CTNNA2: variants seen among roughly 807,000 people sequenced by gnomAD.
CTNNA2 encodes the protein catenin alpha 2.
CTNNA2 carries 42 observed loss-of-function variants against 101.0 expected under a neutral mutation model. That is an observed-to-expected ratio of 0.42 (90% CI 0.32 to 0.54). CTNNA2 has a LOEUF of 0.54. Among genes scored for constraint, CTNNA2 ranks in the 20% least tolerant of loss-of-function variants. The pLI, the probability that CTNNA2 is intolerant of heterozygous loss-of-function variation, is 0.14. For synonymous variants in CTNNA2, 450 were observed against 456.4 expected (o/e 0.99, Z 0.18); for missense variants, 871 against 1,223.1 (o/e 0.71, Z 4.29).
intron 4 of CTNNA2, among the ~76,000 whole-genome samples, chr2:79,392,383 A>G (rs1172753972): frequency 6.6e-6 from 1 of 152,202 alleles, no homozygotes; most frequent in Non-Finnish European, 1.5e-5. Context: ...TCTCAAAAAT[A>G]CACTAAAGTA....
At chr2:80,502,044 T>G (rs1687919620) in intron 9 of CTNNA2, among the ~76,000 whole-genome samples, 1 of 152,156 alleles carries the variant, frequency 6.6e-6, no homozygotes, top group South Asian at 2.1e-4. Flanking sequence ...AACATGGCTG[T>G]GGAGTCAGAG....
chr2:79,258,004 T>G (rs1222797810), intron 2 of CTNNA2, among the ~76,000 whole-genome samples: 1 of 152,170 alleles, frequency 6.6e-6, no homozygotes, highest in Non-Finnish European at 1.5e-5. Flanking sequence ...TGCCTCTGTC[T>G]TCACATGGCC....
chr2:79,672,809 A>G (rs1273409749), intron 2 of CTNNA2, among the ~76,000 whole-genome samples: 1 of 150,662 alleles, frequency 6.6e-6, no homozygotes, highest in Non-Finnish European at 1.5e-5. Context: ...TCCCAGGTTC[A>G]AGTGATTTGC....
chr2:80,009,119 G>T (rs1327153899), intron 7 of CTNNA2, among the ~76,000 whole-genome samples: 1 of 152,120 alleles, frequency 6.6e-6, no homozygotes, highest in Non-Finnish European at 1.5e-5. Context: ...AGAATGAAAG[G>T]CAGGGAACAT....
At position 80,574,252 on chromosome 2, in the gene CTNNA2, G is replaced by A. The variant is rs867688583; in HGVS notation, c.1831G>A (p.Asp611Asn). ...PQPFEENEFI[D>N]ASRLVYDGVR... ...ACCGTTTGAGGAGAATGAGTTCATC[G>A]ATGCCTCTCGCCTGGTGTATGATGG... is the stretch of plus-strand genomic sequence containing the variant. The change falls in exon 13 of 19, where the codon GAT becomes AAT. Residue 611 changes from aspartate to asparagine, a missense_variant. Transcript: ENST00000402739. 4.3e-6 allele frequency: 7 copies of A among 1,613,792 alleles called. No individual in the cohort carries two copies. The highest frequency in any genetic ancestry group is 5.9e-6 in the Non-Finnish European group (7 of 1,179,788).
intron 7 of CTNNA2, among the ~76,000 whole-genome samples, chr2:79,983,385 A>G (rs1261844458): frequency 1.3e-5 from 2 of 152,086 alleles, no homozygotes; most frequent in Non-Finnish European, 2.9e-5. Context: ...ATAAATAATA[A>G]ACATTTTTAT....
At chr2:79,829,421 A>AC (rs1558559860) in intron 3 of CTNNA2, among the ~76,000 whole-genome samples, 248 of 142,466 alleles carry the variant, frequency 1.7e-3, no homozygotes, top group East Asian at 7.0e-3. Context: ...ACACAGACAC[A>AC]AAGCCGGGCG....
chr2:80,496,976 T>C (rs1687524741), intron 9 of CTNNA2, among the ~76,000 whole-genome samples: 1 of 152,172 alleles, frequency 6.6e-6, no homozygotes. Context: ...AATATGTGAC[T>C]CAGGAGAAGC....
At chr2:80,591,216 G>A (rs1472881234) in intron 15 of CTNNA2, among the ~76,000 whole-genome samples, 3 of 152,074 alleles carry the variant, frequency 2.0e-5, no homozygotes, top group African/African-American at 7.2e-5. Context: ...TTTTAAAAGT[G>A]AGAAGAAGGT....
At chr2:80,077,257 A>G (rs1238095900) in intron 7 of CTNNA2, among the ~76,000 whole-genome samples, 1 of 152,212 alleles carries the variant, frequency 6.6e-6, no homozygotes, top group Non-Finnish European at 1.5e-5. Context: ...AACACTTTTA[A>G]GAAAGTAAAT....
At chr2:79,253,618 G>A (rs141846144) in intron 2 of CTNNA2, among the ~76,000 whole-genome samples, 1,917 of 150,648 alleles carry the variant, frequency 0.013, 16 homozygotes, top group Middle Eastern at 0.021. Context: ...GTTGCCCAAG[G>A]GGCTTATTCT....
chr2:79,231,626 A>G (rs1583369), intron 2 of CTNNA2, among the ~76,000 whole-genome samples: 86,998 of 152,054 alleles, frequency 0.57, 25,252 homozygotes, highest in East Asian at 0.65. Context: ...GAATATCATT[A>G]AATATATAAA....
At chr2:79,723,617 T>A (rs1686626064) in intron 2 of CTNNA2, among the ~76,000 whole-genome samples, 1 of 152,202 alleles carries the variant, frequency 6.6e-6, no homozygotes, top group Admixed American at 6.5e-5. Flanking sequence ...TAATAGAATC[T>A]TAAGCATAAT....
intron 6 of CTNNA2, among the ~76,000 whole-genome samples, chr2:79,875,582 T>G (rs1682957170): frequency 6.6e-6 from 1 of 152,172 alleles, no homozygotes; most frequent in Non-Finnish European, 1.5e-5. Flanking sequence ...GCAATGATTG[T>G]TCAAGGCTTG....
chr2:80,278,463 T>C (rs1489487349), intron 7 of CTNNA2, among the ~76,000 whole-genome samples: 1 of 152,142 alleles, frequency 6.6e-6, no homozygotes, highest in Non-Finnish European at 1.5e-5. Flanking sequence ...TGGCTGCATC[T>C]GTGATTCCAG....
intron 3 of CTNNA2, among the ~76,000 whole-genome samples, chr2:79,321,383 A>G (rs1676619926): frequency 6.6e-6 from 1 of 151,680 alleles, no homozygotes; most frequent in Non-Finnish European, 1.5e-5. Context: ...ATAGAAACCA[A>G]TACGTATGAA....
chr2:79,766,740 T>C lies in CTNNA2; in HGVS notation c.298+22158T>C, dbSNP rs184180620. Among the ~76,000 whole-genome samples the C allele has an allele frequency of 3.0e-3, 462 of 151,642 alleles. 1 individual carries two copies. The highest frequency in any genetic ancestry group is 0.011 in the African/African-American group (437 of 41,260). On this transcript the variant is annotated intron_variant, in intron 3 of 18. Transcript: ENST00000402739. ...TTTCATTCTTTTTTCTTTTGTCTTCTCTGACTGTGTATTTTCTTTTTTCTT... is the reference window on the plus strand; with the variant it reads ...TTTCATTCTTTTTTCTTTTGTCTTCCCTGACTGTGTATTTTCTTTTTTCTT...
chr2:79,743,918 G>C (rs531044075), intron 2 of CTNNA2, among the ~76,000 whole-genome samples: 1 of 152,092 alleles, frequency 6.6e-6, no homozygotes, highest in Admixed American at 6.6e-5. Context: ...CATAAGTACC[G>C]GGTGTTGGCT....
At chr2:80,391,596 A>G (rs1313847493) in intron 7 of CTNNA2, among the ~76,000 whole-genome samples, 1 of 152,226 alleles carries the variant, frequency 6.6e-6, no homozygotes, top group African/African-American at 2.4e-5. Context: ...TTGATGGCAG[A>G]CAACCTATTT....
Sources: allele counts gnomAD v4.1 joint callset (sites outside exome capture counted in the v4.1 genomes callset), GRCh38; gene constraint gnomAD v4.1.1; transcripts MANE v1.5; gene names NCBI Gene and HGNC (gene_info 2026-07-23, HGNC 2026-07-21).